The following NEGR1 variants were observed in gnomAD, a reference collection of about 807,000 sequenced individuals.
The protein encoded by NEGR1 is IgLON family member 4.
Under a neutral mutation model 40.9 loss-of-function variants are expected in NEGR1, and 10 were observed. The observed-to-expected ratio is 0.24, with a 90% CI of 0.15 to 0.42. NEGR1 has a LOEUF of 0.42. NEGR1 is among the 10% of genes least tolerant of loss of function. NEGR1 has a pLI of 1.00. For synonymous variants in NEGR1, 185 were observed against 166.8 expected (o/e 1.11, Z -0.84); for missense variants, 352 against 438.9 (o/e 0.80, Z 1.77).
chr1:71,776,387 AGGTATGAG>A, intron 2 of NEGR1, 90 bp from the exon 3 acceptor site: 1 of 760,270 alleles, frequency 1.3e-6, no homozygotes, highest in Non-Finnish European at 2.0e-6. Context: ...CATGCAAGAA[AGGTATGAG>A]GGTGAAATGT....
intron 1 of NEGR1, among the ~76,000 whole-genome samples, chr1:72,111,439 CTGAATATCA>C (rs1423749018): frequency 6.6e-6 from 1 of 151,498 alleles, no homozygotes; most frequent in African/African-American, 2.4e-5. Flanking sequence ...AGAAAAGTAT[CTGAATATCA>C]TGAAAAAAAG....
chr1:71,809,070 A>G (rs1043617547), intron 2 of NEGR1, among the ~76,000 whole-genome samples: 5 of 152,186 alleles, frequency 3.3e-5, no homozygotes, highest in Non-Finnish European at 7.3e-5. Context: ...TTAAACATAC[A>G]TATCTCCATG....
intron 2 of NEGR1, among the ~76,000 whole-genome samples, chr1:71,917,516 T>A (rs1354563981): frequency 6.6e-6 from 1 of 151,992 alleles, no homozygotes; most frequent in South Asian, 2.1e-4. Context: ...GTCGGACGGG[T>A]GCGGTGGCTC....
intron 1 of NEGR1, among the ~76,000 whole-genome samples, chr1:72,143,770 T>G (rs906868208): frequency 1.3e-5 from 2 of 149,096 alleles, no homozygotes; most frequent in East Asian, 3.9e-4. Flanking sequence ...CACATTTTAT[T>G]GAATATGGGC....
chr1:71,606,517 T>G (rs1650081017), intron 5 of NEGR1, among the ~76,000 whole-genome samples: 1 of 152,210 alleles, frequency 6.6e-6, no homozygotes, highest in Non-Finnish European at 1.5e-5. Flanking sequence ...TGGGTTAATT[T>G]GTTACTTAGC....
At chr1:72,158,530 C>A (rs1651442440) in intron 1 of NEGR1, among the ~76,000 whole-genome samples, 1 of 152,122 alleles carries the variant, frequency 6.6e-6, no homozygotes, top group African/African-American at 2.4e-5. Context: ...GTGGCCCAAC[C>A]AGCTCCACTC....
intron 1 of NEGR1, among the ~76,000 whole-genome samples, chr1:72,034,370 G>T (rs564648546): frequency 6.6e-6 from 1 of 152,254 alleles, no homozygotes; most frequent in South Asian, 2.1e-4. Context: ...TTTTAGATGA[G>T]CAGGAAAGGG....
intron 3 of NEGR1, among the ~76,000 whole-genome samples, chr1:71,762,891 T>C (rs1302183080): frequency 6.6e-6 from 1 of 152,158 alleles, no homozygotes; most frequent in Non-Finnish European, 1.5e-5. Flanking sequence ...AAACGTTCTC[T>C]AATGAAGAAA....
In NEGR1 at chr1:72,178,689, G is replaced by GT. The variant is rs1247429928; in HGVS notation, c.176+103629dup. Among the ~76,000 whole-genome samples the GT allele has an allele frequency of 2.6e-3, 387 of 149,252 alleles. 5 individuals are homozygous for GT. The highest frequency in any genetic ancestry group is 7.2e-3 in the African/African-American group (293 of 40,818). ...CTTTTCTGCAACCTTGCCAGCGTCT[G>GT]TTTTTTTTTGTTTGTTTGTTTTGTT... On this transcript the variant is annotated intron_variant, in intron 1 of 6. Coordinates refer to ENST00000357731, the MANE Select transcript of NEGR1 (RefSeq NM_173808.3).
chr1:71,496,774 AG>A (rs1386472324), intron 6 of NEGR1, among the ~76,000 whole-genome samples: 1 of 152,158 alleles, frequency 6.6e-6, no homozygotes, highest in Non-Finnish European at 1.5e-5. Context: ...GCAATAGATC[AG>A]TAACAAGGCA....
chr1:72,146,228 A>C (rs1311642765), intron 1 of NEGR1, among the ~76,000 whole-genome samples: 1 of 152,196 alleles, frequency 6.6e-6, no homozygotes, highest in African/African-American at 2.4e-5. Flanking sequence ...GTGTACAATA[A>C]CTTTTTAATT....
chr1:71,657,266 G>A (rs562169701), intron 4 of NEGR1, among the ~76,000 whole-genome samples: 1 of 152,112 alleles, frequency 6.6e-6, no homozygotes, highest in Non-Finnish European at 1.5e-5. Context: ...ATTCTGTCTC[G>A]ACCTTTAAAG....
At chr1:72,041,007 T>C (rs1452503750) in intron 1 of NEGR1, among the ~76,000 whole-genome samples, 1 of 152,030 alleles carries the variant, frequency 6.6e-6, no homozygotes, top group Non-Finnish European at 1.5e-5. Flanking sequence ...TCATTGTAAG[T>C]AACCAATGTC....
intron 1 of NEGR1, among the ~76,000 whole-genome samples, chr1:71,981,345 G>A (rs1281604401): frequency 6.6e-6 from 1 of 152,102 alleles, no homozygotes; most frequent in East Asian, 1.9e-4. Flanking sequence ...GACGCTAGAA[G>A]GTCTTACACG....
chr1:71,578,376 G>A (rs899792804), intron 6 of NEGR1, among the ~76,000 whole-genome samples: 6 of 152,076 alleles, frequency 3.9e-5, no homozygotes, highest in Admixed American at 2.6e-4. Context: ...TATATACTAT[G>A]GCTAGTAATT....
chr1:72,270,488 C>T (rs1185168061), intron 1 of NEGR1, among the ~76,000 whole-genome samples: 1 of 151,866 alleles, frequency 6.6e-6, no homozygotes, highest in Non-Finnish European at 1.5e-5. Context: ...AAGAACATAT[C>T]TAATCCTCAA....
At chr1:71,746,759 T>C (rs1471041536) in intron 3 of NEGR1, among the ~76,000 whole-genome samples, 2 of 147,170 alleles carry the variant, frequency 1.4e-5, no homozygotes, top group East Asian at 2.0e-4. Context: ...CACACACGCG[T>C]ACACACACAC....
chr1:72,152,300 T>C (rs1053509526), intron 1 of NEGR1, among the ~76,000 whole-genome samples: 1 of 151,880 alleles, frequency 6.6e-6, no homozygotes, highest in Non-Finnish European at 1.5e-5. Flanking sequence ...TTCAAACACT[T>C]GTAATTAAAT....
intron 4 of NEGR1, among the ~76,000 whole-genome samples, chr1:71,673,551 T>C (rs1175209036): frequency 6.6e-6 from 1 of 152,080 alleles, no homozygotes; most frequent in Non-Finnish European, 1.5e-5. Flanking sequence ...GGTTTGTTCA[T>C]GAATATCAGT....
Sources: allele counts gnomAD v4.1 joint callset (sites outside exome capture counted in the v4.1 genomes callset), GRCh38; gene constraint gnomAD v4.1.1; transcripts MANE v1.5; gene names NCBI Gene and HGNC (gene_info 2026-07-23, HGNC 2026-07-21).